Variants in DIP2A observed in about 807,000 individuals in gnomAD.
DIP2A encodes the protein DIP2 acetate--CoA ligase A.
In DIP2A, 85 loss-of-function variants were observed where a neutral mutation model predicts 177.4. The observed-to-expected ratio is 0.48, with a 90% CI of 0.40 to 0.57. The LOEUF is 0.57. DIP2A is among the 20% of genes least tolerant of loss of function. DIP2A has a pLI of 0.00. For synonymous variants in DIP2A, 886 were observed against 881.8 expected (o/e 1.00, Z -0.08); for missense variants, 1,791 against 2,100.2 (o/e 0.85, Z 2.88).
chr21:46,514,748 G>GTAAT (rs112527771), intron 8 of DIP2A, among the ~76,000 whole-genome samples: 11,391 of 149,558 alleles, frequency 0.076, 1,046 homozygotes, highest in African/African-American at 0.23. Context: ...AAAGCCTGTG[G>GTAAT]TAATTAAGTA....
At chr21:46,495,230 TTCTCTTCTCTTCTTTCTCTCTC>T (rs2057262008) in intron 3 of DIP2A, among the ~76,000 whole-genome samples, 3 of 64,882 alleles carry the variant, frequency 4.6e-5, no homozygotes, top group African/African-American at 2.0e-4. Context: ...TTCTCTTCTC[TTCTCTTCTCTTCTTTCTCTCTC>T]TCTCTCTCTC....
Position 46,557,790 on chromosome 21 carries a change from G to C in DIP2A, c.3798+37G>C. 1 of 1,590,092 alleles carries C rather than the reference G, an allele frequency of 6.3e-7. No individual in the cohort carries two copies. The highest frequency in any genetic ancestry group is 8.6e-7 in the Non-Finnish European group (1 of 1,161,402). On this transcript the variant is annotated intron_variant, in intron 31 of 37. Transcript: ENST00000417564. The surrounding 1 kb of genome is among the most constrained non-coding windows in gnomAD (Gnocchi z 6.0). Reference sequence around the variant, plus strand: ...GACCCGGGCTTCTGAGTGTGCTGCAGACCACAGCCCTGGGAAGTTTAAAAA... The same window carrying C: ...GACCCGGGCTTCTGAGTGTGCTGCACACCACAGCCCTGGGAAGTTTAAAAA...
chr21:46,559,780 TC>T (rs1014182771), intron 32 of DIP2A, among the ~76,000 whole-genome samples: 1 of 152,224 alleles, frequency 6.6e-6, no homozygotes, highest in African/African-American at 2.4e-5. Flanking sequence ...TGTGTGTGTT[TC>T]CTGTGGCTGT....
In DIP2A at chr21:46,546,897, G is replaced by A. The variant is rs2839318; in HGVS notation, c.2395-18G>A. On this transcript the variant is annotated intron_variant, in intron 20 of 37. Coordinates refer to ENST00000417564, the MANE Select transcript of DIP2A (RefSeq NM_015151.4). ...CTGCCCGTGTGGGTGGAGTCTTGAC[G>A]CACACCCTTTCCCTCAGGACAACCT... The A allele has an allele frequency of 3.2e-5, 52 of 1,612,534 alleles. No homozygotes were observed. Among genetic ancestry groups the A allele is most frequent in the East Asian group, 2.0e-4 (9 of 44,868 alleles).
intron 8 of DIP2A, among the ~76,000 whole-genome samples, chr21:46,520,815 A>C (rs1392382831): frequency 6.6e-6 from 1 of 152,200 alleles, no homozygotes; most frequent in Non-Finnish European, 1.5e-5. Flanking sequence ...AGCCCAAAGA[A>C]AGCCACGCAT....
chr21:46,521,489 A>G (rs2053215417), intron 8 of DIP2A, among the ~76,000 whole-genome samples: 1 of 139,702 alleles, frequency 7.2e-6, no homozygotes, highest in Admixed American at 7.1e-5. Context: ...ACACCCAGCC[A>G]TCTTTCATTA....
In DIP2A at chr21:46,550,006, T is replaced by C. The variant is rs1474168049; in HGVS notation, c.2637+121T>C. The C allele has an allele frequency of 2.0e-5, 30 of 1,516,482 alleles. No homozygotes were observed. The East Asian group carries it at 6.4e-4, about 32-fold the overall frequency. The allele number at this position is 1,516,482 out of a possible 1,614,324, so 93.9% of individuals were successfully genotyped here. On this transcript the variant is annotated intron_variant, in intron 22 of 37. Coordinates refer to ENST00000417564, the MANE Select transcript of DIP2A (RefSeq NM_015151.4). ...TCCTCCCTGGCTCCAGCTTTGTTTA[T>C]CTGTATTTTTCATTGCAAATTGACA... is the stretch of plus-strand genomic sequence containing the variant.
At chr21:46,516,659 A>T (rs904404426) in intron 8 of DIP2A, among the ~76,000 whole-genome samples, 1 of 151,308 alleles carries the variant, frequency 6.6e-6, no homozygotes, top group Non-Finnish European at 1.5e-5. Context: ...CACCCAGCTA[A>T]TTTTTTTGTG....
At position 46,561,774 on chromosome 21, in the gene DIP2A, C is replaced by T. The variant is rs778787165; in HGVS notation, c.4058C>T (p.Pro1353Leu). 17 of 1,613,836 alleles carry T rather than the reference C, an allele frequency of 1.1e-5. No individual in the cohort carries two copies. Among genetic ancestry groups the T allele is most frequent in the South Asian group, 8.8e-5 (8 of 91,082 alleles). ...GTTCGTTTGGTAGAACGGGGTTCTC[C>T]GCACAGCCTGCCATTGATGGAGTCT... Reference protein sequence around the residue: ...DRVRLVERGSPHSLPLMESGK... With the variant: ...DRVRLVERGSLHSLPLMESGK... The change falls in exon 34 of 38, where the codon CCG becomes CTG. Residue 1353 changes from proline to leucine, a missense_variant. Transcript: ENST00000417564.
chr21:46,498,984 A>G lies in DIP2A; in HGVS notation c.655+151A>G. 1.8e-6 allele frequency: 1 copy of G among 557,122 alleles called. No homozygotes were observed. The highest frequency in any genetic ancestry group is 2.3e-6 in the Non-Finnish European group (1 of 438,374). The allele number at this position is 557,122 out of a possible 1,614,324, so 34.5% of individuals were successfully genotyped here. A position where few individuals can be genotyped will look rare whatever the true frequency, so the allele number is the denominator to read the frequency against. On this transcript the variant is annotated intron_variant, in intron 5 of 37. Coordinates refer to ENST00000417564, the MANE Select transcript of DIP2A (RefSeq NM_015151.4). This position sits in a 1 kb window ranked among gnomAD's most constrained non-coding sequence, Gnocchi z 4.3. ...CTCTCCAAGTGACTGAGGTCACACA[A>G]CCCAGATAACCCATACTGGCTTATC...
intron 34 of DIP2A, among the ~76,000 whole-genome samples, chr21:46,562,415 G>A (rs77778433): frequency 0.016 from 2,367 of 152,302 alleles, 34 homozygotes; most frequent in Non-Finnish European, 0.019. Context: ...GATATGAGTC[G>A]GGGACCCTGG....
chr21:46,534,329 G>C (rs1403991222), intron 12 of DIP2A, among the ~76,000 whole-genome samples: 1 of 152,080 alleles, frequency 6.6e-6, no homozygotes, highest in Admixed American at 6.5e-5. Context: ...CTGGCTCCCT[G>C]GGGATGCAGA....
chr21:46,486,070 CAAAAAAA>C (rs1174271396), intron 2 of DIP2A, among the ~76,000 whole-genome samples: 1 of 60,040 alleles, frequency 1.7e-5, no homozygotes, highest in East Asian at 5.9e-4. Flanking sequence ...GACTTCATCT[CAAAAAAA>C]AAAAAAAAAA....
chr21:46,503,907 G>A (rs1299455689), intron 5 of DIP2A, among the ~76,000 whole-genome samples: 1 of 152,128 alleles, frequency 6.6e-6, no homozygotes, highest in African/African-American at 2.4e-5. Context: ...TGTATTTTTA[G>A]TAGAGACGGG....
At chr21:46,519,521 A>G (rs760979740) in intron 8 of DIP2A, among the ~76,000 whole-genome samples, 1 of 152,220 alleles carries the variant, frequency 6.6e-6, no homozygotes, top group Non-Finnish European at 1.5e-5. Flanking sequence ...AGGAGTGATG[A>G]CATTCCTGCC....
chr21:46,465,414 CA>C (rs77913676), intron 1 of DIP2A, among the ~76,000 whole-genome samples: 2 of 149,836 alleles, frequency 1.3e-5, no homozygotes, highest in Non-Finnish European at 3.0e-5. Context: ...CTAAATATAA[CA>C]AAAAAAAAAT....
chr21:46,512,640 A>T (rs375509858), intron 8 of DIP2A, among the ~76,000 whole-genome samples: 3 of 150,666 alleles, frequency 2.0e-5, no homozygotes, highest in Non-Finnish European at 1.5e-5. Flanking sequence ...TTTCTTTTTT[A>T]TTTTTTTTCT....
At chr21:46,560,609 C>T in intron 32 of DIP2A, 113 bp from the exon 33 acceptor site, 1 of 1,442,052 alleles carries the variant, frequency 6.9e-7, no homozygotes, top group Non-Finnish European at 9.4e-7. Flanking sequence ...AGAGCTGCTA[C>T]CTTCTTGGGT....
At chr21:46,516,408 ATTCT>A (rs1210279660) in intron 8 of DIP2A, among the ~76,000 whole-genome samples, 4 of 136,188 alleles carry the variant, frequency 2.9e-5, no homozygotes, top group Non-Finnish European at 6.5e-5. Flanking sequence ...TATATTTTGC[ATTCT>A]TTCTTATATA....
Sources: gnomAD v4.1 joint callset for allele counts (sites outside exome capture counted in the v4.1 genomes callset) on GRCh38, gnomAD v4.1.1 for gene constraint, Gnocchi (gnomAD v3.1) non-coding constraint, MANE v1.5 for transcripts, NCBI Gene and HGNC (gene_info 2026-07-23, HGNC 2026-07-21) for gene names.